APBA2: variants seen among roughly 807,000 people sequenced by gnomAD.
APBA2 encodes the protein amyloid-beta A4 precursor protein-binding family A member 2.
Under a neutral mutation model 75.0 loss-of-function variants are expected in APBA2, and 30 were observed. The ratio of observed to expected loss-of-function variants is 0.40; its 90% CI spans 0.30 to 0.54. The LOEUF (loss-of-function observed/expected upper bound fraction) is 0.54. Ranked by LOEUF, APBA2 falls within the 20% of genes least tolerant of loss-of-function variation. APBA2 has a pLI of 0.49. For missense variants in APBA2, 801 were observed against 1,016.1 expected (o/e 0.79, Z 2.88); for synonymous variants, 444 against 409.6 (o/e 1.08, Z -1.01).
chr15:28,971,251 G>A lies in APBA2; in HGVS notation c.-94-24502G>A, dbSNP rs976341447. On this transcript the variant is annotated intron_variant, in intron 2 of 14. Coordinates refer to ENST00000683413, the MANE Select transcript of APBA2 (RefSeq NM_001353788.2). ...TTTTAATCACGATTGGATAAGGGGG[G>A]ATCCCTGCAAGATAACAGCGCCCAC... Among the ~76,000 whole-genome samples, 3 of 151,992 alleles carry A rather than the reference G, an allele frequency of 2.0e-5. No individual in the cohort carries two copies. The South Asian group carries it at 6.2e-4, about 32-fold the overall frequency.
Position 29,029,933 on chromosome 15 carries a change from C to T in APBA2, c.-40-23912C>T, listed in dbSNP as rs185521110. On this transcript the variant is annotated intron_variant, in intron 3 of 14. Transcript: ENST00000683413. ...ACATGCAGAAGGAACGATTGCTCAA[C>T]GCAGGACTCTCCAGACCACGCGGGC... Among the ~76,000 whole-genome samples, 596 of 152,230 alleles carry T rather than the reference C, an allele frequency of 3.9e-3. 3 individuals carry two copies. Among genetic ancestry groups the T allele is most frequent in the Admixed American group, 7.6e-3 (116 of 15,302 alleles).
chr15:29,078,932 G>GT (rs777622693), intron 6 of APBA2, among the ~76,000 whole-genome samples: 1 of 152,214 alleles, frequency 6.6e-6, no homozygotes, highest in Non-Finnish European at 1.5e-5. Context: ...CTTTCATAGT[G>GT]TGCTCCCTGG....
At chr15:29,030,639 G>A (rs1052443443) in intron 3 of APBA2, among the ~76,000 whole-genome samples, 6 of 152,028 alleles carry the variant, frequency 3.9e-5, no homozygotes, top group Non-Finnish European at 7.4e-5. Flanking sequence ...TGTAGTCAGT[G>A]GGTGTAGCCA....
At chr15:28,920,296 G>C (rs935827733) in intron 1 of APBA2, among the ~76,000 whole-genome samples, 1 of 152,178 alleles carries the variant, frequency 6.6e-6, no homozygotes, top group African/African-American at 2.4e-5. Flanking sequence ...TTAAACATGG[G>C]CACAGAAGAG....
intron 2 of APBA2, among the ~76,000 whole-genome samples, chr15:28,983,771 G>C (rs2037751598): frequency 6.6e-6 from 1 of 152,208 alleles, no homozygotes; most frequent in South Asian, 2.1e-4. Flanking sequence ...GCCCAAGACA[G>C]AACATTGCCT....
chr15:28,990,347 G>A (rs2152782338), intron 2 of APBA2: 1 of 150,814 alleles, frequency 6.6e-6, no homozygotes, highest in Middle Eastern at 3.4e-3. Context: ...GGTGGGAGAG[G>A]TTGCAGTGAG....
rs59345963 is a variant in APBA2 at position 28,960,148 on chromosome 15, CAAAAAAAA to C, written c.-94-35592_-94-35585del. On this transcript the variant is annotated intron_variant, in intron 2 of 14. Coordinates refer to ENST00000683413, the MANE Select transcript of APBA2 (RefSeq NM_001353788.2). ...CAGGTGACAGAGTGAGACCTTGTTT[CAAAAAAAA>C]AAAAAAAAAAAAGACACTTTGAGAC... Among the ~76,000 whole-genome samples, 22 of 93,196 alleles carry C rather than the reference CAAAAAAAA, an allele frequency of 2.4e-4. No homozygotes were observed. The East Asian group carries it at 7.1e-3, about 30-fold the overall frequency. The allele number at this position is 93,196 out of a possible 152,430, so 61.1% of individuals were successfully genotyped here.
In APBA2 at chr15:29,076,041, A is replaced by G. The variant is rs543073089; in HGVS notation, c.1033-14A>G. 38 of 1,613,550 alleles carry G rather than the reference A, an allele frequency of 2.4e-5. 1 individual carries two copies. Among genetic ancestry groups the G allele is most frequent in the Non-Finnish European group, 3.1e-5 (36 of 1,179,632 alleles). ...CAATTGTTATGTGTTTTATTTTTCC[A>G]TATTTCCTAACAGACAAAGAAGGTG... On this transcript the variant is annotated splice_polypyrimidine_tract_variant and intron_variant, in intron 5 of 14. Coordinates refer to ENST00000683413, the MANE Select transcript of APBA2 (RefSeq NM_001353788.2).
At chr15:29,085,524 CAAA>C (rs777850421) in intron 6 of APBA2, among the ~76,000 whole-genome samples, 864 of 57,126 alleles carry the variant, frequency 0.015, 9 homozygotes, top group African/African-American at 0.039. Context: ...GACTCCATCT[CAAA>C]AAAAAAAAAA....
intron 4 of APBA2, among the ~76,000 whole-genome samples, chr15:29,067,398 C>T (rs567151748): frequency 3.3e-5 from 5 of 152,222 alleles, no homozygotes; most frequent in Admixed American, 1.3e-4. Context: ...GGTCGTGAGG[C>T]GGTGGGTCGG....
chr15:28,984,675 ATC>A (rs1056010999), intron 2 of APBA2, among the ~76,000 whole-genome samples: 1 of 149,572 alleles, frequency 6.7e-6, no homozygotes, highest in Non-Finnish European at 1.5e-5. Flanking sequence ...GCTGCTGTAT[ATC>A]TCTCTCTGTC....
At chr15:29,061,080 A>G (rs552229106) in intron 4 of APBA2, among the ~76,000 whole-genome samples, 4 of 152,202 alleles carry the variant, frequency 2.6e-5, no homozygotes, top group Non-Finnish European at 2.9e-5. Flanking sequence ...GGGGGGCACC[A>G]TAAGAGCGTT....
At chr15:29,076,139 T>C (rs767353900) in intron 6 of APBA2, 48 bp downstream of exon 6, 1 of 1,588,308 alleles carries the variant, frequency 6.3e-7, no homozygotes, top group Non-Finnish European at 8.6e-7. Context: ...GCATTTTACA[T>C]CAAAATAAAT....
chr15:29,090,895 T>A (rs1386730462), intron 6 of APBA2, among the ~76,000 whole-genome samples: 1 of 152,146 alleles, frequency 6.6e-6, no homozygotes, highest in Admixed American at 6.5e-5. Flanking sequence ...ACAGGGCATG[T>A]CTGGCGAGCC....
At chr15:29,092,749 G>A (rs1162725822) in intron 6 of APBA2, among the ~76,000 whole-genome samples, 1 of 152,180 alleles carries the variant, frequency 6.6e-6, no homozygotes, top group South Asian at 2.1e-4. Flanking sequence ...AAGTGCTGTT[G>A]TGTTTGGGAT....
chr15:28,975,442 T>TG (rs2037286460), intron 2 of APBA2, among the ~76,000 whole-genome samples: 1 of 152,192 alleles, frequency 6.6e-6, no homozygotes, highest in Non-Finnish European at 1.5e-5. Flanking sequence ...TTGAGACAAC[T>TG]GGATAGCCAT....
intron 2 of APBA2, among the ~76,000 whole-genome samples, chr15:28,935,462 TG>T (rs1472368779): frequency 6.6e-5 from 10 of 152,036 alleles, no homozygotes; most frequent in East Asian, 1.9e-4. Flanking sequence ...AGTGAGCTGC[TG>T]GGGGAGCCCC....
chr15:28,984,779 C>G (rs2037815878), intron 2 of APBA2, among the ~76,000 whole-genome samples: 2 of 151,046 alleles, frequency 1.3e-5, no homozygotes, highest in African/African-American at 4.9e-5. Flanking sequence ...ACTGCCATCT[C>G]TGGAGTTTGG....
rs1301710899 is a variant in APBA2 at position 29,046,879 on chromosome 15, T to G, written c.-40-6966T>G. 1.3e-5 allele frequency among the ~76,000 whole-genome samples: 2 copies of G among 152,240 alleles called. No homozygotes were observed. Among genetic ancestry groups the G allele is most frequent in the East Asian group, 3.8e-4 (2 of 5,196 alleles). ...GGCCACAGCCACTCCCAGCCACCTG[T>G]GTCAGCAGAGTTCCCCGTTCCCATC... On this transcript the variant is annotated intron_variant, in intron 3 of 14. Transcript: ENST00000683413. This position sits in a 1 kb window ranked among gnomAD's most constrained non-coding sequence, Gnocchi z 5.0.
Sources: allele counts gnomAD v4.1 joint callset (sites outside exome capture counted in the v4.1 genomes callset), GRCh38; gene constraint gnomAD v4.1.1; non-coding constraint Gnocchi (gnomAD v3.1); transcripts MANE v1.5; gene names NCBI Gene and HGNC (gene_info 2026-07-23, HGNC 2026-07-21).